SHISA6: variants seen among roughly 807,000 people sequenced by gnomAD.
SHISA6 encodes the protein shisa family member 6.
A neutral mutation model predicts 47.9 loss-of-function variants in SHISA6; 22 were observed. The observed-to-expected ratio is 0.46, with a 90% CI of 0.33 to 0.66. The LOEUF is 0.66. SHISA6 is among the 30% of genes least tolerant of loss of function. SHISA6 has a pLI of 0.02. For missense variants in SHISA6, 680 were observed against 764.6 expected, an observed-to-expected ratio of 0.89 and a Z score of 1.30; for synonymous variants, 388 against 337.8, an observed-to-expected ratio of 1.15 and a Z score of -1.63.
At chr17:11,490,128 C>T (rs1375204480) in intron 3 of SHISA6, among the ~76,000 whole-genome samples, 1 of 152,202 alleles carries the variant, frequency 6.6e-6, no homozygotes, top group African/African-American at 2.4e-5. Flanking sequence ...TCTTGCCAGC[C>T]TCTCCAGGTC....
rs1912039000 is a variant in SHISA6, at chr17:11,355,147, G to A, written c.800-24267G>A. ...GCCAACTGAGAGCACTTTATTCCAG[G>A]CTTCTGCAACCTAAACTTGAGTGAG... On this transcript the variant is annotated intron_variant, in intron 2 of 5. Coordinates refer to ENST00000441885, the MANE Select transcript of SHISA6 (RefSeq NM_207386.4). Among the ~76,000 whole-genome samples, 7 of 152,126 alleles carry A rather than the reference G, an allele frequency of 4.6e-5. No individual in the cohort carries two copies. In the South Asian group the frequency reaches 1.4e-3, roughly 32 times the overall value.
chr17:11,243,580 G>A (rs74818319), intron 1 of SHISA6, among the ~76,000 whole-genome samples: 2,211 of 152,236 alleles, frequency 0.015, 34 homozygotes, highest in Middle Eastern at 0.041. Flanking sequence ...CAAGTGGGAC[G>A]GTGAGCAAAA....
chr17:11,285,136 C>T (rs998853421), intron 2 of SHISA6, among the ~76,000 whole-genome samples: 10 of 152,224 alleles, frequency 6.6e-5, no homozygotes, highest in African/African-American at 2.2e-4. Context: ...TACACACATG[C>T]ACCCCAGAAG....
chr17:11,429,030 C>A (rs182923817), intron 3 of SHISA6, among the ~76,000 whole-genome samples: 1 of 152,186 alleles, frequency 6.6e-6, no homozygotes, highest in Non-Finnish European at 1.5e-5. Flanking sequence ...ACCCCGTGAT[C>A]CGCCTGCCTC....
chr17:11,476,358 T>C (rs1444571276), intron 3 of SHISA6, among the ~76,000 whole-genome samples: 1 of 152,094 alleles, frequency 6.6e-6, no homozygotes, highest in Non-Finnish European at 1.5e-5. Flanking sequence ...CTTTACATAG[T>C]CCCTTAAGGT....
intron 3 of SHISA6, among the ~76,000 whole-genome samples, chr17:11,401,913 A>G (rs1339004027): frequency 6.6e-6 from 1 of 152,212 alleles, no homozygotes; most frequent in Non-Finnish European, 1.5e-5. Flanking sequence ...CTATAAAGTA[A>G]AAAGTCATGC....
At chr17:11,365,139 T>C (rs966396630) in intron 2 of SHISA6, among the ~76,000 whole-genome samples, 1 of 152,208 alleles carries the variant, frequency 6.6e-6, no homozygotes, top group African/African-American at 2.4e-5. Context: ...TCATAAATAC[T>C]TAGTATTAAA....
intron 2 of SHISA6, among the ~76,000 whole-genome samples, chr17:11,293,588 A>G (rs982017382): frequency 3.9e-5 from 6 of 152,134 alleles, no homozygotes; most frequent in African/African-American, 1.4e-4. Context: ...TGACACCCAG[A>G]CCCAGAGCAC....
chr17:11,346,634 A>G (rs1911708551), intron 2 of SHISA6, among the ~76,000 whole-genome samples: 1 of 152,234 alleles, frequency 6.6e-6, no homozygotes, highest in South Asian at 2.1e-4. Context: ...AGATACTTAA[A>G]GGAAATTGAA....
At chr17:11,416,101 A>C (rs1597502465) in intron 3 of SHISA6, among the ~76,000 whole-genome samples, 1 of 152,080 alleles carries the variant, frequency 6.6e-6, no homozygotes, top group African/African-American at 2.4e-5. Flanking sequence ...CTCTACCTTC[A>C]TGACTTAATT....
intron 3 of SHISA6, among the ~76,000 whole-genome samples, chr17:11,487,461 C>T (rs1047824468): frequency 2.6e-5 from 4 of 152,076 alleles, no homozygotes; most frequent in African/African-American, 7.2e-5. Flanking sequence ...TTTGGTTGGG[C>T]GGAAAGTGGG....
Position 11,241,416 on chromosome 17 carries a change from C to T in SHISA6, c.-7C>T. 2 of 1,143,046 alleles carry T rather than the reference C, an allele frequency of 1.7e-6. No individual in the cohort carries two copies. The highest frequency in any genetic ancestry group is 2.2e-6 in the Non-Finnish European group (2 of 922,048). The allele number at this position is 1,143,046 out of a possible 1,614,324, so 70.8% of individuals were successfully genotyped here. ...AGCCTCCCCGCGCCCTCCCGCCCGG[C>T]CCCGCCATGGCGCTGCGGCGCCTCC... On this transcript the variant is annotated 5_prime_UTR_variant, in exon 1 of 6. Coordinates refer to ENST00000441885, the MANE Select transcript of SHISA6 (RefSeq NM_207386.4). This position sits in a 1 kb window ranked among gnomAD's most constrained non-coding sequence, Gnocchi z 5.5.
At chr17:11,282,741 T>C (rs1909165691) in intron 2 of SHISA6, among the ~76,000 whole-genome samples, 1 of 152,212 alleles carries the variant, frequency 6.6e-6, no homozygotes, top group African/African-American at 2.4e-5. Flanking sequence ...ACACTGCATA[T>C]TCACCATTGT....
intron 2 of SHISA6, among the ~76,000 whole-genome samples, chr17:11,277,319 C>CA (rs1597435976): frequency 1.4e-5 from 2 of 142,706 alleles, no homozygotes; most frequent in African/African-American, 2.7e-5. Context: ...CACACACACA[C>CA]CCCGCATGTA....
Position 11,491,026 on chromosome 17 carries a change from A to AC in SHISA6, c.896-60867dup, listed in dbSNP as rs1916462710. On this transcript the variant is annotated intron_variant, in intron 3 of 5. Coordinates refer to ENST00000441885, the MANE Select transcript of SHISA6 (RefSeq NM_207386.4). ...CCTGACCACAGAAGGAGGAAATGAG[A>AC]CCCTTCAATAGCCGGAGTTCCTTTG... Among the ~76,000 whole-genome samples, 5 of 152,026 alleles carry AC rather than the reference A, an allele frequency of 3.3e-5. 1 individual carries two copies. Among genetic ancestry groups the AC allele is most frequent in the Admixed American group, 3.3e-4 (5 of 15,268 alleles).
rs1271468143 is a variant in SHISA6 at position 11,560,590 on chromosome 17, T to C, written c.*2286T>C. 4 of 152,308 alleles carry C rather than the reference T, an allele frequency of 2.6e-5. No individual in the cohort carries two copies. The East Asian group carries it at 7.7e-4, about 29-fold the overall frequency. 9.4% of individuals were successfully genotyped at this position (152,308 alleles called of 1,614,324 possible). On this transcript the variant is annotated 3_prime_UTR_variant, in exon 6 of 6. Coordinates refer to ENST00000441885, the MANE Select transcript of SHISA6 (RefSeq NM_207386.4). ...AGGACCTGAGTGGCTGAGAATGCCC[T>C]TCCCAGGTGTCTACATGCAGGTATA...
At chr17:11,247,937 G>C (rs1907655228) in intron 1 of SHISA6, among the ~76,000 whole-genome samples, 2 of 152,034 alleles carry the variant, frequency 1.3e-5, no homozygotes, top group African/African-American at 4.8e-5. Context: ...ACCACACCTG[G>C]CTAATTTTTT....
At chr17:11,348,355 C>T (rs1208598653) in intron 2 of SHISA6, among the ~76,000 whole-genome samples, 1 of 152,128 alleles carries the variant, frequency 6.6e-6, no homozygotes, top group African/African-American at 2.4e-5. Context: ...ACCTGCAGAT[C>T]GTGAGTGATG....
chr17:11,374,110 A>G (rs1352992511), intron 2 of SHISA6, among the ~76,000 whole-genome samples: 1 of 152,180 alleles, frequency 6.6e-6, no homozygotes, highest in Non-Finnish European at 1.5e-5. Flanking sequence ...GTGATACCTC[A>G]TTATGGTTTT....
Sources: gnomAD v4.1 joint callset for allele counts (sites outside exome capture counted in the v4.1 genomes callset) on GRCh38, gnomAD v4.1.1 for gene constraint, Gnocchi (gnomAD v3.1) non-coding constraint, MANE v1.5 for transcripts, NCBI Gene and HGNC (gene_info 2026-07-23, HGNC 2026-07-21) for gene names.